The following FNDC3A variants were observed in gnomAD, a reference collection of about 807,000 sequenced individuals.
The protein encoded by FNDC3A is fibronectin type-III domain-containing protein 3A.
A neutral mutation model predicts 148.9 loss-of-function variants in FNDC3A; 32 were observed. The observed-to-expected ratio is 0.21, with a 90% CI of 0.16 to 0.29. The LOEUF (loss-of-function observed/expected upper bound fraction) is 0.29, where lower values mean the gene tolerates loss of function less well. FNDC3A is among the 10% of genes least tolerant of loss of function. The pLI is 1.00. For synonymous variants in FNDC3A, 472 were observed against 473.6 expected (o/e 1.00, Z 0.04); for missense variants, 1,191 against 1,452.8 (o/e 0.82, Z 2.93).
intron 25 of FNDC3A, among the ~76,000 whole-genome samples, chr13:49,204,872 G>T (rs1277364135): frequency 6.6e-6 from 1 of 152,092 alleles, no homozygotes; most frequent in African/African-American, 2.4e-5. Context: ...TTCCCTCCCA[G>T]TATCTCCTCT....
chr13:49,128,200 G>T (rs1240716816), intron 4 of FNDC3A, among the ~76,000 whole-genome samples: 1 of 152,086 alleles, frequency 6.6e-6, no homozygotes, highest in African/African-American at 2.4e-5. Flanking sequence ...AATATATGCA[G>T]AATGTGGGTC....
At chr13:49,193,207 G>A (rs117667574) in intron 19 of FNDC3A, among the ~76,000 whole-genome samples, 2,055 of 152,256 alleles carry the variant, frequency 0.013, 16 homozygotes, top group Non-Finnish European at 0.02. Context: ...CTTATAACAT[G>A]TATAACAGTA....
intron 8 of FNDC3A, among the ~76,000 whole-genome samples, chr13:49,160,196 C>G (rs1052872184): frequency 6.6e-6 from 1 of 152,152 alleles, no homozygotes; most frequent in African/African-American, 2.4e-5. Context: ...AGGAATGGTA[C>G]CAGCTCCTCT....
At chr13:49,029,135 G>A (rs1322688788) in intron 2 of FNDC3A, among the ~76,000 whole-genome samples, 1 of 152,106 alleles carries the variant, frequency 6.6e-6, no homozygotes, top group Admixed American at 6.6e-5. Flanking sequence ...CACCATGCCA[G>A]GCTGAAGTTT....
chr13:49,041,694 C>A (rs1874939699), intron 2 of FNDC3A, among the ~76,000 whole-genome samples: 1 of 151,716 alleles, frequency 6.6e-6, no homozygotes, highest in Non-Finnish European at 1.5e-5. Flanking sequence ...ACCTGTAATC[C>A]CAGCTACTCG....
chr13:49,049,875 A>G (rs1694458282), intron 2 of FNDC3A, among the ~76,000 whole-genome samples: 1 of 151,982 alleles, frequency 6.6e-6, no homozygotes, highest in Non-Finnish European at 1.5e-5. Flanking sequence ...ATGTGCCACT[A>G]TGCCCGGCTA....
At chr13:49,049,780 C>T (rs1012479650) in intron 2 of FNDC3A, among the ~76,000 whole-genome samples, 2 of 151,890 alleles carry the variant, frequency 1.3e-5, no homozygotes, top group East Asian at 1.9e-4. Flanking sequence ...AGTGCAGTGG[C>T]GTGATCTCAG....
intron 4 of FNDC3A, among the ~76,000 whole-genome samples, chr13:49,120,917 A>G (rs1881297665): frequency 1.3e-5 from 2 of 152,188 alleles, no homozygotes; most frequent in African/African-American, 4.8e-5. Flanking sequence ...TTAACACCCC[A>G]CTGTCAATAT....
chr13:49,028,500 A>G (rs1873886254), intron 2 of FNDC3A, among the ~76,000 whole-genome samples: 1 of 152,114 alleles, frequency 6.6e-6, no homozygotes, highest in Admixed American at 6.5e-5. Flanking sequence ...TCATCTTCCC[A>G]AAGTGCTAGA....
intron 1 of FNDC3A, among the ~76,000 whole-genome samples, chr13:48,998,813 G>A (rs1952072135): frequency 6.6e-6 from 1 of 152,196 alleles, no homozygotes; most frequent in South Asian, 2.1e-4. Context: ...ATTAGCATGG[G>A]TGTAAACCAT....
intron 19 of FNDC3A, 131 bp downstream of exon 19, chr13:49,191,515 G>C: frequency 1.6e-6 from 1 of 620,584 alleles, no homozygotes; most frequent in Non-Finnish European, 2.7e-6. Flanking sequence ...TTTTTAACAA[G>C]CCTACATTGA....
rs1192835178 is a variant in FNDC3A, at chr13:49,165,734, T to A, written c.978-1510T>A. The stretch of plus-strand genomic sequence containing the variant: ...GGGTTCTTTGGCCTCTGGAAGCAGA[T>A]ATGGCTTCGGTGATGTCATTAGCAA... On this transcript the variant is annotated intron_variant, in intron 8 of 25. Coordinates refer to ENST00000492622, the MANE Select transcript of FNDC3A (RefSeq NM_001079673.2). Among the ~76,000 whole-genome samples the A allele has an allele frequency of 2.0e-5, 3 of 152,240 alleles. No homozygotes were observed. The East Asian group carries it at 5.8e-4, about 29-fold the overall frequency.
chr13:49,069,354 C>A (rs1877489219), intron 2 of FNDC3A, among the ~76,000 whole-genome samples: 1 of 152,154 alleles, frequency 6.6e-6, no homozygotes, highest in African/African-American at 2.4e-5. Flanking sequence ...CTTAAAATGG[C>A]TCACTAGACC....
chr13:49,175,293 A>G (rs1046928436), intron 12 of FNDC3A, 74 bp from the exon 13 acceptor site: 13 of 1,040,846 alleles, frequency 1.2e-5, no homozygotes, highest in Middle Eastern at 2.3e-4. Context: ...CAAAAAAATT[A>G]CATCTGTCAC....
intron 1 of FNDC3A, among the ~76,000 whole-genome samples, chr13:49,001,313 T>C (rs1593455299): frequency 6.6e-6 from 1 of 152,328 alleles, no homozygotes; most frequent in South Asian, 2.1e-4. Context: ...AATCCCATCA[T>C]CTTTGTAAGC....
chr13:49,206,466 G>C (rs1886651196), intron 25 of FNDC3A, among the ~76,000 whole-genome samples: 2 of 152,106 alleles, frequency 1.3e-5, no homozygotes, highest in African/African-American at 2.4e-5. Context: ...TGGCATAAAT[G>C]GGTTAATTAC....
chr13:49,135,196 T>G (rs1882284813), intron 5 of FNDC3A, among the ~76,000 whole-genome samples: 1 of 152,104 alleles, frequency 6.6e-6, no homozygotes. Context: ...ATTTGAATTC[T>G]TCACCCATTT....
At chr13:49,163,907 T>G (rs1013734383) in intron 8 of FNDC3A, among the ~76,000 whole-genome samples, 13 of 152,218 alleles carry the variant, frequency 8.5e-5, no homozygotes, top group African/African-American at 3.1e-4. Flanking sequence ...TGATTGTGGT[T>G]TGGTGGTTTT....
chr13:49,115,209 A>AAAAAAT (rs1880870097), intron 4 of FNDC3A, among the ~76,000 whole-genome samples: 2 of 151,254 alleles, frequency 1.3e-5, no homozygotes, highest in Non-Finnish European at 3.0e-5. Context: ...AAAAAAAAAA[A>AAAAAAT]ATCAGTATCT....
Sources: allele counts gnomAD v4.1 joint callset (sites outside exome capture counted in the v4.1 genomes callset), GRCh38; gene constraint gnomAD v4.1.1; transcripts MANE v1.5; gene names NCBI Gene and HGNC (gene_info 2026-07-23, HGNC 2026-07-21).